The following PEPD variants were observed in gnomAD, a reference collection of about 807,000 sequenced individuals.
The protein encoded by PEPD is xaa-Pro dipeptidase.
A neutral mutation model predicts 60.7 loss-of-function variants in PEPD; 53 were observed. The ratio of observed to expected loss-of-function variants is 0.87; its 90% CI spans 0.70 to 1.10. The LOEUF (loss-of-function observed/expected upper bound fraction) is 1.10, where lower values mean the gene tolerates loss of function less well. Among genes scored for constraint, PEPD ranks in the 50% least tolerant of loss-of-function variants. The pLI, the probability that PEPD is intolerant of heterozygous loss-of-function variation, is 0.00. For synonymous variants in PEPD, 267 were observed against 284.1 expected, an observed-to-expected ratio of 0.94 and a Z score of 0.60; for missense variants, 711 against 711.9, an observed-to-expected ratio of 1.00 and a Z score of 0.01.
chr19:33,518,722 A>AC (rs1971072606), intron 1 of PEPD, among the ~76,000 whole-genome samples: 1 of 152,144 alleles, frequency 6.6e-6, no homozygotes, highest in Non-Finnish European at 1.5e-5. Flanking sequence ...CAGGGCAGCC[A>AC]CAGACTGGCC....
intron 3 of PEPD, among the ~76,000 whole-genome samples, chr19:33,509,350 T>C (rs1236242920): frequency 6.6e-6 from 1 of 152,220 alleles, no homozygotes; most frequent in Non-Finnish European, 1.5e-5. Flanking sequence ...CTGCTGCCAA[T>C]TGTGCTCCAG....
intron 5 of PEPD, among the ~76,000 whole-genome samples, chr19:33,492,043 CAAAA>C (rs757173823): frequency 8.6e-5 from 7 of 81,558 alleles, no homozygotes; most frequent in African/African-American, 1.3e-4. Flanking sequence ...TATTCCATTT[CAAAA>C]AAAAAAAAAA....
chr19:33,490,125 G>C (rs549305405), intron 5 of PEPD, 68 bp from the exon 6 acceptor site: 4 of 1,091,894 alleles, frequency 3.7e-6, no homozygotes, highest in Non-Finnish European at 5.6e-6. Flanking sequence ...CACCCCTGAG[G>C]CCTCCAGCTA....
At chr19:33,401,924 C>G in intron 11 of PEPD, 55 bp from the exon 12 acceptor site, 1 of 1,568,420 alleles carries the variant, frequency 6.4e-7, no homozygotes, top group South Asian at 1.1e-5. Flanking sequence ...CGCCCCCTTA[C>G]CCTTACCGCT....
intron 11 of PEPD, among the ~76,000 whole-genome samples, chr19:33,410,720 T>C (rs992363826): frequency 2.0e-5 from 3 of 152,116 alleles, no homozygotes; most frequent in African/African-American, 4.8e-5. Context: ...GCATCTGCCA[T>C]AGAAGAAAGG....
intron 9 of PEPD, among the ~76,000 whole-genome samples, chr19:33,458,300 G>A (rs1568481944): frequency 6.6e-6 from 1 of 151,260 alleles, no homozygotes; most frequent in Admixed American, 6.6e-5. Flanking sequence ...AGTGTGGTGT[G>A]TAGGTGCATG....
intron 12 of PEPD, among the ~76,000 whole-genome samples, chr19:33,396,410 C>T (rs892114195): frequency 1.1e-4 from 17 of 152,284 alleles, no homozygotes; most frequent in South Asian, 2.1e-4. Flanking sequence ...GGTCATCCCG[C>T]GCCTCAGTGC....
At chr19:33,478,139 T>A (rs1172689575) in intron 6 of PEPD, 49 bp from the exon 7 acceptor site, 6 of 1,328,494 alleles carry the variant, frequency 4.5e-6, no homozygotes, top group East Asian at 2.4e-5. Context: ...GTCTGTCATG[T>A]CCCAGCAAGA....
intron 1 of PEPD, 118 bp downstream of exon 1, chr19:33,521,626 G>A (rs1168562580): frequency 4.4e-6 from 5 of 1,125,936 alleles, no homozygotes; most frequent in East Asian, 2.6e-5. Flanking sequence ...CCAACGGGAA[G>A]AGGCGCCTAC....
At position 33,399,444 on chromosome 19, in the gene PEPD, G is replaced by A. The variant is rs975288559; in HGVS notation, c.967+2277C>T. ...GGGCACATCTGGGGTCCCCCTGCTT[G>A]CACTCATGCGTTTGTCAAGCTCTGT... On this transcript the variant is annotated intron_variant, in intron 12 of 14. Transcript: ENST00000244137. 3.3e-5 allele frequency among the ~76,000 whole-genome samples: 5 copies of A among 152,304 alleles called. No individual in the cohort carries two copies. In the East Asian group the frequency reaches 9.7e-4, roughly 29 times the overall value.
intron 11 of PEPD, among the ~76,000 whole-genome samples, chr19:33,406,350 C>A (rs980092229): frequency 3.3e-5 from 5 of 152,238 alleles, no homozygotes; most frequent in African/African-American, 1.2e-4. Context: ...CTGCTCATAA[C>A]CAGGCCTGTC....
At chr19:33,515,409 T>C (rs1259030050) in intron 1 of PEPD, among the ~76,000 whole-genome samples, 2 of 152,100 alleles carry the variant, frequency 1.3e-5, no homozygotes, top group Non-Finnish European at 2.9e-5. Context: ...TCCTCTGGGC[T>C]GGGGCTGCTT....
chr19:33,423,823 T>G (rs1393271990), intron 9 of PEPD, among the ~76,000 whole-genome samples: 1 of 152,252 alleles, frequency 6.6e-6, no homozygotes, highest in Non-Finnish European at 1.5e-5. Flanking sequence ...TGGCTAGATC[T>G]GTTACATTTT....
intron 9 of PEPD, among the ~76,000 whole-genome samples, chr19:33,423,761 T>G (rs1413554957): frequency 6.6e-6 from 1 of 152,236 alleles, no homozygotes; most frequent in Non-Finnish European, 1.5e-5. Flanking sequence ...GTTTCCCCTT[T>G]GCTCCTTAAT....
At chr19:33,449,603 A>G (rs1178270820) in intron 9 of PEPD, among the ~76,000 whole-genome samples, 1 of 152,180 alleles carries the variant, frequency 6.6e-6, no homozygotes, top group Non-Finnish European at 1.5e-5. Context: ...GGACATCATG[A>G]GAGGAAGCTA....
chr19:33,419,904 G>A (rs1185471785), intron 9 of PEPD, among the ~76,000 whole-genome samples: 3 of 152,152 alleles, frequency 2.0e-5, no homozygotes, highest in Non-Finnish European at 2.9e-5. Flanking sequence ...GGGGGGATCC[G>A]CCAATCACAG....
At chr19:33,434,022 G>C (rs1235316860) in intron 9 of PEPD, among the ~76,000 whole-genome samples, 1 of 152,122 alleles carries the variant, frequency 6.6e-6, no homozygotes, top group African/African-American at 2.4e-5. Context: ...TTGTCTCCTA[G>C]AGGGTTCGCT....
At chr19:33,454,687 CA>C (rs1367759222) in intron 9 of PEPD, among the ~76,000 whole-genome samples, 4 of 151,476 alleles carry the variant, frequency 2.6e-5, no homozygotes, top group Non-Finnish European at 4.4e-5. Flanking sequence ...GGAGAAGAGA[CA>C]AATGTGTACA....
intron 7 of PEPD, among the ~76,000 whole-genome samples, chr19:33,475,754 A>T (rs1970203195): frequency 6.6e-6 from 1 of 152,142 alleles, no homozygotes; most frequent in Non-Finnish European, 1.5e-5. Context: ...CATTCTAAGT[A>T]CCCAGGATTT....
Sources: allele counts gnomAD v4.1 joint callset (sites outside exome capture counted in the v4.1 genomes callset), GRCh38; gene constraint gnomAD v4.1.1; transcripts MANE v1.5; gene names NCBI Gene and HGNC (gene_info 2026-07-23, HGNC 2026-07-21).